MAF: variants seen among roughly 807,000 people sequenced by gnomAD.
The protein encoded by MAF is transcription factor Maf.
In MAF, 10 loss-of-function variants were observed where a neutral mutation model predicts 22.0. The observed-to-expected ratio is 0.45, with a 90% CI of 0.28 to 0.77. MAF has a LOEUF of 0.77. Among genes scored for constraint, MAF ranks in the 30% least tolerant of loss-of-function variants. MAF has a pLI of 0.12. For synonymous variants in MAF, 337 were observed against 255.8 expected (o/e 1.32, Z -3.03); for missense variants, 544 against 548.4 (o/e 0.99, Z 0.08).
At chr16:79,533,729 C>T in the MAF span, among the ~76,000 whole-genome samples, 1 of 152,130 alleles carries the variant, frequency 6.6e-6, no homozygotes, top group South Asian at 2.1e-4. Context: ...ATACCAGTGA[C>T]CTCTCCGCCA....
At chr16:79,587,869 A>AC (rs1360227630) in intron 1 of MAF, among the ~76,000 whole-genome samples, 1 of 118,906 alleles carries the variant, frequency 8.4e-6, no homozygotes, top group Non-Finnish European at 1.8e-5. Context: ...TACTTTCAAA[A>AC]GGGGGGGGGG....
chr16:79,328,602 A>T, the MAF span, among the ~76,000 whole-genome samples: 18 of 152,216 alleles, frequency 1.2e-4, no homozygotes, highest in Non-Finnish European at 2.1e-4. Flanking sequence ...CCGAGCTGGC[A>T]CTTGAACGAA....
At chr16:79,264,122 A>C in the MAF span, among the ~76,000 whole-genome samples, 1 of 152,166 alleles carries the variant, frequency 6.6e-6, no homozygotes, top group South Asian at 2.1e-4. Flanking sequence ...CATGAGGCAG[A>C]ATAGGAAGTG....
chr16:79,453,171 G>C, the MAF span, among the ~76,000 whole-genome samples: 2 of 152,076 alleles, frequency 1.3e-5, no homozygotes, highest in African/African-American at 4.8e-5. Context: ...GTGAGTAAGT[G>C]GTACCTACAA....
the MAF span, among the ~76,000 whole-genome samples, chr16:79,557,656 A>T: frequency 6.6e-6 from 1 of 152,076 alleles, no homozygotes; most frequent in Non-Finnish European, 1.5e-5. Context: ...AAGTGGGATG[A>T]CCTGTGTCAT....
the MAF span, among the ~76,000 whole-genome samples, chr16:79,457,884 G>A: frequency 6.6e-6 from 1 of 152,214 alleles, no homozygotes; most frequent in Non-Finnish European, 1.5e-5. Context: ...GTATGAGAAA[G>A]AAAATGACTC....
chr16:79,442,409 T>C, the MAF span, among the ~76,000 whole-genome samples: 1 of 152,214 alleles, frequency 6.6e-6, no homozygotes, highest in Non-Finnish European at 1.5e-5. Flanking sequence ...TCTCCCTCTG[T>C]TGCCCAGGCT....
At chr16:79,341,067 G>C in the MAF span, among the ~76,000 whole-genome samples, 5 of 152,192 alleles carry the variant, frequency 3.3e-5, no homozygotes, top group African/African-American at 7.2e-5. Flanking sequence ...AGCATGGAAG[G>C]AGGCCGGAAG....
the MAF span, among the ~76,000 whole-genome samples, chr16:79,208,350 A>T: frequency 4.0e-5 from 6 of 150,716 alleles, no homozygotes; most frequent in South Asian, 1.3e-3. Context: ...ACCATATACA[A>T]CCTACAGGCT....
chr16:79,388,246 C>G, the MAF span, among the ~76,000 whole-genome samples: 81 of 111,976 alleles, frequency 7.2e-4, 1 homozygote, highest in Middle Eastern at 4.4e-3. Context: ...GCCGATGTGG[C>G]CCGCGGATAA....
the MAF span, among the ~76,000 whole-genome samples, chr16:79,323,246 G>T: frequency 4.7e-5 from 7 of 150,244 alleles, no homozygotes; most frequent in South Asian, 4.2e-4. Context: ...AGTCCCGGGG[G>T]TTCAACTGGA....
chr16:79,489,282 C>A, the MAF span, among the ~76,000 whole-genome samples: 1 of 152,154 alleles, frequency 6.6e-6, no homozygotes, highest in Non-Finnish European at 1.5e-5. Flanking sequence ...TTCATCCACC[C>A]ACTCACACAT....
the MAF span, chr16:79,212,191 C>A: frequency 6.8e-7 from 1 of 1,463,186 alleles, no homozygotes; most frequent in Non-Finnish European, 9.0e-7. Context: ...GGGGGCTGGC[C>A]TTCTCCTACT....
the MAF span, among the ~76,000 whole-genome samples, chr16:79,496,780 A>G: frequency 2.6e-5 from 4 of 152,214 alleles, no homozygotes; most frequent in African/African-American, 9.6e-5. Context: ...GAGCTTGCCC[A>G]TGATATCTAG....
chr16:79,567,044 G>T, the MAF span, among the ~76,000 whole-genome samples: 1 of 152,228 alleles, frequency 6.6e-6, no homozygotes, highest in Non-Finnish European at 1.5e-5. Context: ...ATTAGGTGGG[G>T]CATGGTGGCT....
At chr16:79,325,598 AAC>A in the MAF span, among the ~76,000 whole-genome samples, 8,162 of 144,682 alleles carry the variant, frequency 0.056, 275 homozygotes, top group African/African-American at 0.089. Flanking sequence ...CCCAGACACA[AAC>A]ACACACACAC....
At chr16:79,452,168 T>A in the MAF span, among the ~76,000 whole-genome samples, 1 of 152,240 alleles carries the variant, frequency 6.6e-6, no homozygotes, top group African/African-American at 2.4e-5. Context: ...ATATTTACTC[T>A]TTTGTCCTTT....
the MAF span, among the ~76,000 whole-genome samples, chr16:79,384,573 C>G: frequency 6.6e-6 from 1 of 151,366 alleles, no homozygotes; most frequent in African/African-American, 2.4e-5. Flanking sequence ...CTGGCTAACA[C>G]GGTGAAACCC....
the MAF span, among the ~76,000 whole-genome samples, chr16:79,352,777 A>G: frequency 6.6e-6 from 1 of 152,116 alleles, no homozygotes; most frequent in Admixed American, 6.5e-5. Flanking sequence ...AGTGAATATT[A>G]TAGGATGTTT....
Sources: allele counts gnomAD v4.1 joint callset (sites outside exome capture counted in the v4.1 genomes callset), GRCh38; gene constraint gnomAD v4.1.1; transcripts MANE v1.5; gene names NCBI Gene and HGNC (gene_info 2026-07-23, HGNC 2026-07-21).